PTGFRN: variants seen among roughly 807,000 people sequenced by gnomAD.
PTGFRN encodes the protein prostaglandin F2 receptor inhibitor, also known as prostaglandin F2 receptor negative regulator.
PTGFRN carries 35 observed loss-of-function variants against 83.2 expected under a neutral mutation model. The ratio of observed to expected loss-of-function variants is 0.42; its 90% confidence interval spans 0.32 to 0.56. The LOEUF (loss-of-function observed/expected upper bound fraction) is 0.56, where lower values mean the gene tolerates loss of function less well. Ranked by LOEUF, PTGFRN falls within the 20% of genes least tolerant of loss-of-function variation. PTGFRN has a pLI of 0.11. For missense variants in PTGFRN, 1,051 were observed against 1,179.5 expected (o/e 0.89, Z 1.60); for synonymous variants, 519 against 498.6 (o/e 1.04, Z -0.55).
chr1:116,911,076 C>T (rs1056536745), intron 1 of PTGFRN, among the ~76,000 whole-genome samples: 2 of 150,114 alleles, frequency 1.3e-5, no homozygotes, highest in African/African-American at 4.9e-5. Flanking sequence ...TTTCCATTCA[C>T]TCCATACACA....
rs773383449 is a variant in PTGFRN at position 116,909,986 on chromosome 1, G to A, written c.-218G>A. On this transcript the variant is annotated 5_prime_UTR_variant, in exon 1 of 9. Transcript: ENST00000393203. Reference sequence around the variant, plus strand: ...CGGGGCCGGCTCCCGGGCCCGGCCGGCTGGAGGAGGGAGGGAAGGAGGCGG... The same window carrying A: ...CGGGGCCGGCTCCCGGGCCCGGCCGACTGGAGGAGGGAGGGAAGGAGGCGG... The A allele has an allele frequency of 1.0e-5, 6 of 597,210 alleles. No homozygotes were observed. Among genetic ancestry groups the A allele is most frequent in the Non-Finnish European group, 1.5e-5 (5 of 338,682 alleles). 37.0% of individuals were successfully genotyped at this position (597,210 alleles called of 1,614,324 possible).
intron 6 of PTGFRN, 144 bp downstream of exon 6, chr1:116,967,474 T>C: frequency 1.1e-6 from 1 of 884,986 alleles, no homozygotes; most frequent in Non-Finnish European, 1.7e-6. Context: ...TGTAATTCAG[T>C]GGCTTTTCAT....
chr1:116,961,392 A>G lies in PTGFRN; in HGVS notation c.1363A>G (p.Ser455Gly), dbSNP rs1650658371. 1 of 1,612,888 alleles carries G rather than the reference A, an allele frequency of 6.2e-7. No individual in the cohort carries two copies. Among genetic ancestry groups the G allele is most frequent in the East Asian group, 2.2e-5 (1 of 44,844 alleles). Residue 455 changes from serine to glycine, a missense_variant, in exon 5 of 9, where the codon AGC becomes GGC. Transcript: ENST00000393203. The surrounding 1 kb of genome is among the most constrained non-coding windows in gnomAD (Gnocchi z 5.4). ...GTGGTACTACAGGATGAACCGGCGC[A>G]GCGACAATGTGGTGACCAGCGAGCT... ...VSWYYRMNRR[S>G]DNVVTSELLA...
intron 3 of PTGFRN, among the ~76,000 whole-genome samples, chr1:116,948,780 T>C (rs2101067843): frequency 6.6e-6 from 1 of 152,094 alleles, no homozygotes; most frequent in Admixed American, 6.5e-5. Flanking sequence ...AAGAGCAGAG[T>C]TTCTAAAGGC....
intron 7 of PTGFRN, among the ~76,000 whole-genome samples, chr1:116,976,996 A>G (rs1177630248): frequency 6.6e-6 from 1 of 152,202 alleles, no homozygotes; most frequent in Non-Finnish European, 1.5e-5. Flanking sequence ...GTGCAGAGAC[A>G]CACATAGGCT....
At chr1:116,957,172 TG>T (rs1650525904) in intron 4 of PTGFRN, among the ~76,000 whole-genome samples, 2 of 151,646 alleles carry the variant, frequency 1.3e-5, no homozygotes, top group African/African-American at 2.4e-5. Context: ...TGTGTGTGTG[TG>T]TGTTTGTGTT....
chr1:116,954,463 C>G (rs995154365), intron 4 of PTGFRN, among the ~76,000 whole-genome samples: 15 of 152,358 alleles, frequency 9.8e-5, no homozygotes, highest in African/African-American at 3.4e-4. Flanking sequence ...ACCCTGTCAT[C>G]AGCACAGGCT....
chr1:116,916,413 G>A (rs963149412), intron 1 of PTGFRN, among the ~76,000 whole-genome samples: 4 of 152,190 alleles, frequency 2.6e-5, no homozygotes, highest in Admixed American at 6.5e-5. Flanking sequence ...AGACAGATGA[G>A]TTACTTCTTG....
chr1:116,910,568 G>C (rs1262491646), intron 1 of PTGFRN, among the ~76,000 whole-genome samples: 2 of 151,908 alleles, frequency 1.3e-5, no homozygotes, highest in African/African-American at 4.8e-5. Context: ...CCTGTTGGCC[G>C]CCGGGAGCCC....
intron 4 of PTGFRN, among the ~76,000 whole-genome samples, chr1:116,953,879 G>T (rs1439402347): frequency 6.9e-6 from 1 of 145,828 alleles, no homozygotes; most frequent in African/African-American, 2.5e-5. Context: ...TTGAGATGGA[G>T]TCTCGCTCTG....
At chr1:116,964,539 T>G (rs543905469) in intron 5 of PTGFRN, among the ~76,000 whole-genome samples, 2 of 152,302 alleles carry the variant, frequency 1.3e-5, no homozygotes, top group South Asian at 2.1e-4. Context: ...GGACTTGGAC[T>G]TCTTTTCTAT....
rs957914239 is a variant in PTGFRN at position 116,988,598 on chromosome 1, A to G, written c.*1631A>G. The G allele has an allele frequency of 6.5e-6, 1 of 152,716 alleles. No homozygotes were observed. Among genetic ancestry groups the G allele is most frequent in the African/African-American group, 2.4e-5 (1 of 41,454 alleles). 9.5% of individuals were successfully genotyped at this position (152,716 alleles called of 1,614,324 possible). A position where few individuals can be genotyped will look rare whatever the true frequency, so the allele number is the denominator to read the frequency against. ...TGTTTTGAGCAATAAACTAATACAA[A>G]ATGATGGCCATTCATGTGCAGCTCT... On this transcript the variant is annotated 3_prime_UTR_variant, in exon 9 of 9. Transcript: ENST00000393203.
At chr1:116,913,887 G>C (rs1304193873) in intron 1 of PTGFRN, among the ~76,000 whole-genome samples, 1 of 152,058 alleles carries the variant, frequency 6.6e-6, no homozygotes, top group Non-Finnish European at 1.5e-5. Flanking sequence ...TTGTAGGGTG[G>C]GATTAACACA....
At chr1:116,976,636 G>A (rs1185781963) in intron 7 of PTGFRN, among the ~76,000 whole-genome samples, 2 of 152,178 alleles carry the variant, frequency 1.3e-5, no homozygotes, top group African/African-American at 2.4e-5. Context: ...CTTCAGAAGT[G>A]AAGAAGAAAT....
Position 116,944,720 on chromosome 1 carries a change from C to A in PTGFRN, c.460C>A (p.Pro154Thr). Residue 154 changes from proline (P) to threonine (T), a missense_variant, in exon 3 of 9, where the codon CCG becomes ACG. Pro to Thr is a conservative substitution (Grantham distance 38). This residue lies in a region of PTGFRN where 205 missense variants were observed against 174.5 expected (regional missense o/e 1.17). Coordinates refer to ENST00000393203, the MANE Select transcript of PTGFRN (RefSeq NM_020440.4). Reference protein sequence around the residue: ...SLHVGPSARPPPSLSLREGEP... With the variant: ...SLHVGPSARPTPSLSLREGEP... ...GCACGTGGGCCCCAGCGCGCGGCCC[C>A]CGCCGAGCCTGAGCCTGCGGGAGGG... 1.4e-6 allele frequency: 2 copies of A among 1,455,190 alleles called. No individual in the cohort carries two copies. Among genetic ancestry groups the A allele is most frequent in the East Asian group, 2.7e-5 (1 of 37,336 alleles). 90.1% of individuals were successfully genotyped at this position (1,455,190 alleles called of 1,614,324 possible).
chr1:116,987,924 G>A lies in PTGFRN; in HGVS notation c.*957G>A, dbSNP rs1651555594. ...GCCAGGAGGGTCAGAGTGGTGCCAGGTGCAAGTTAGGCTAAAGAAGCCACC... is the reference window on the plus strand; with the variant it reads ...GCCAGGAGGGTCAGAGTGGTGCCAGATGCAAGTTAGGCTAAAGAAGCCACC... On this transcript the variant is annotated 3_prime_UTR_variant, in exon 9 of 9. Transcript: ENST00000393203. The A allele has an allele frequency of 6.6e-6, 1 of 152,252 alleles. No homozygotes were observed. The highest frequency in any genetic ancestry group is 6.5e-5 in the Admixed American group (1 of 15,270). The allele number at this position is 152,252 out of a possible 1,614,324, so 9.4% of individuals were successfully genotyped here.
chr1:116,971,399 T>C (rs1447146069), intron 6 of PTGFRN, among the ~76,000 whole-genome samples: 1 of 152,140 alleles, frequency 6.6e-6, no homozygotes, highest in Non-Finnish European at 1.5e-5. Context: ...TATGTCAATG[T>C]TTGTATTTAA....
At chr1:116,932,979 T>A (rs1263411317) in intron 1 of PTGFRN, among the ~76,000 whole-genome samples, 2 of 152,216 alleles carry the variant, frequency 1.3e-5, no homozygotes, top group African/African-American at 4.8e-5. Flanking sequence ...AATAGCTACC[T>A]TATGGTTGTC....
intron 1 of PTGFRN, among the ~76,000 whole-genome samples, chr1:116,920,914 A>G (rs1649519289): frequency 6.6e-6 from 1 of 152,160 alleles, no homozygotes; most frequent in African/African-American, 2.4e-5. Context: ...GTGAGCTACC[A>G]TGTCTAGCCG....
Sources: allele counts gnomAD v4.1 joint callset (sites outside exome capture counted in the v4.1 genomes callset), GRCh38; gene constraint gnomAD v4.1.1; regional missense constraint gnomAD v4.1.1; non-coding constraint Gnocchi (gnomAD v3.1); transcripts MANE v1.5; gene names NCBI Gene and HGNC (gene_info 2026-07-23, HGNC 2026-07-21).